The following SFT2D2 variants were observed in gnomAD, a reference collection of about 807,000 sequenced individuals.
The protein encoded by SFT2D2 is SFT2 domain containing 2.
SFT2D2 carries 21 observed loss-of-function variants against 27.4 expected under a neutral mutation model. The observed-to-expected ratio is 0.77, with a 90% CI of 0.54 to 1.10. SFT2D2 has a LOEUF of 1.10. SFT2D2 is among the 50% of genes least tolerant of loss of function. The pLI, the probability that SFT2D2 is intolerant of heterozygous loss-of-function variation, is 0.00. For synonymous variants in SFT2D2, 72 were observed against 71.7 expected (o/e 1.00, Z -0.02); for missense variants, 187 against 194.2 (o/e 0.96, Z 0.22).
rs907709889 is a variant in SFT2D2, at chr1:168,252,889, T to G, written c.*10349T>G. ...TTCCTACCTTGAAAATCTATTTCAT[T>G]TACTAAATATTGTTTTCTTTATGCT... is the stretch of plus-strand genomic sequence containing the variant. On this transcript the variant is annotated 3_prime_UTR_variant, in exon 8 of 8. Coordinates refer to ENST00000271375, the MANE Select transcript of SFT2D2 (RefSeq NM_199344.3). The G allele has an allele frequency of 6.6e-6, 1 of 152,236 alleles. No individual in the cohort carries two copies. Among genetic ancestry groups the G allele is most frequent in the African/African-American group, 2.4e-5 (1 of 41,470 alleles). The allele number at this position is 152,236 out of a possible 1,614,324, so 9.4% of individuals were successfully genotyped here. A position where few individuals can be genotyped will look rare whatever the true frequency, so the allele number is the denominator to read the frequency against.
chr1:168,238,114 T>G (rs1025853797), intron 6 of SFT2D2, among the ~76,000 whole-genome samples: 1 of 152,218 alleles, frequency 6.6e-6, no homozygotes, highest in African/African-American at 2.4e-5. Context: ...ACACAGTGCC[T>G]GGTTCTTTAG....
In SFT2D2 at chr1:168,226,107, G is replaced by A. The variant is rs549670099; in HGVS notation, c.28G>A (p.Gly10Arg). The stretch of plus-strand genomic sequence containing the variant: ...GGACAAGCTGAAGAAGGTGCTGAGC[G>A]GGCAGGACACGGAGGACCGGAGCGG... MDKLKKVLS[G>R]QDTEDRSGLS... The change falls in exon 1 of 8, where the codon GGG (glycine) becomes AGG (arginine). Residue 10 changes from glycine to arginine, a missense_variant. Physicochemically the swap from Gly to Arg is moderately radical, Grantham distance 125. Coordinates refer to ENST00000271375, the MANE Select transcript of SFT2D2 (RefSeq NM_199344.3). 116 of 1,535,306 alleles carry A rather than the reference G, an allele frequency of 7.6e-5. No individual in the cohort carries two copies. The highest frequency in any genetic ancestry group is 9.6e-5 in the Non-Finnish European group (109 of 1,140,442).
At position 168,226,070 on chromosome 1, in the gene SFT2D2, C is replaced by T. The variant is rs1261251909; in HGVS notation, c.-10C>T. 2.6e-6 allele frequency: 4 copies of T among 1,529,116 alleles called. No individual in the cohort carries two copies. Among genetic ancestry groups the T allele is most frequent in the Middle Eastern group, 1.9e-4 (1 of 5,330 alleles). 94.7% of individuals were successfully genotyped at this position (1,529,116 alleles called of 1,614,324 possible). ...GCTGAGGAGCTGGAGCTGGTGGGGA[C>T]TGGGCCGCAATGGACAAGCTGAAGA... On this transcript the variant is annotated 5_prime_UTR_variant, in exon 1 of 8. Coordinates refer to ENST00000271375, the MANE Select transcript of SFT2D2 (RefSeq NM_199344.3).
chr1:168,234,026 A>G (rs1193998405), intron 3 of SFT2D2, among the ~76,000 whole-genome samples: 1 of 152,142 alleles, frequency 6.6e-6, no homozygotes, highest in Non-Finnish European at 1.5e-5. Flanking sequence ...GCTCATGCCA[A>G]GTTGATGTGT....
intron 1 of SFT2D2, among the ~76,000 whole-genome samples, chr1:168,227,267 T>C (rs1223666785): frequency 1.3e-5 from 2 of 152,254 alleles, no homozygotes; most frequent in Non-Finnish European, 2.9e-5. Flanking sequence ...CGCTTTTTGG[T>C]GTATTCTTTA....
At chr1:168,229,229 C>A (rs1572450203) in intron 1 of SFT2D2, among the ~76,000 whole-genome samples, 1 of 152,186 alleles carries the variant, frequency 6.6e-6, no homozygotes, top group South Asian at 2.1e-4. Flanking sequence ...GCTGGAATCT[C>A]ACTGAGACTG....
At chr1:168,232,586 G>A (rs1647354659) in intron 3 of SFT2D2, among the ~76,000 whole-genome samples, 1 of 152,096 alleles carries the variant, frequency 6.6e-6, no homozygotes, top group South Asian at 2.1e-4. Context: ...AGAGTCCTGG[G>A]GGTCCAAGTC....
At chr1:168,226,204 G>A (rs2102326353) in intron 1 of SFT2D2, 62 bp downstream of exon 1, 11 of 1,460,292 alleles carry the variant, frequency 7.5e-6, no homozygotes, top group Non-Finnish European at 9.2e-6. Flanking sequence ...TCCCCTGCCC[G>A]GGCCTGGGAA....
chr1:168,239,783 G>A (rs1255270447), intron 7 of SFT2D2, among the ~76,000 whole-genome samples: 2 of 150,642 alleles, frequency 1.3e-5, no homozygotes, highest in Admixed American at 1.3e-4. Flanking sequence ...TTAGCCGCAT[G>A]ATCTTTGCCT....
In SFT2D2 at chr1:168,245,494, A is replaced by C. The variant is rs1377566708; in HGVS notation, c.*2954A>C. 1 of 150,998 alleles carries C rather than the reference A, an allele frequency of 6.6e-6. No homozygotes were observed. Among genetic ancestry groups the C allele is most frequent in the Non-Finnish European group, 1.5e-5 (1 of 67,842 alleles). The allele number at this position is 150,998 out of a possible 1,614,324, so 9.4% of individuals were successfully genotyped here. On this transcript the variant is annotated 3_prime_UTR_variant, in exon 8 of 8. Transcript: ENST00000271375. ...TTGTTGATAGGTTGAGAGACTCAAC[A>C]TTGTTGATGTTAATTCTTTCCCATA...
chr1:168,234,403 AAAC>A (rs1481382050), intron 3 of SFT2D2, among the ~76,000 whole-genome samples: 5 of 151,390 alleles, frequency 3.3e-5, no homozygotes, highest in African/African-American at 7.3e-5. Flanking sequence ...AAAAAAAAAA[AAAC>A]AAACAAAAAA....
chr1:168,248,564 T>G lies in SFT2D2; in HGVS notation c.*6024T>G, dbSNP rs901080417. ...CCTGGTTTATTGAGAGTTTTTAGCATGAAGGGCTGTTGAATTTTGTTGAAT... is the reference window on the plus strand; with the variant it reads ...CCTGGTTTATTGAGAGTTTTTAGCAGGAAGGGCTGTTGAATTTTGTTGAAT... On this transcript the variant is annotated 3_prime_UTR_variant, in exon 8 of 8. Transcript: ENST00000271375. 2 of 152,252 alleles carry G rather than the reference T, an allele frequency of 1.3e-5. No homozygotes were observed. Among genetic ancestry groups the G allele is most frequent in the African/African-American group, 4.8e-5 (2 of 41,466 alleles). 9.4% of individuals were successfully genotyped at this position (152,252 alleles called of 1,614,324 possible).
Position 168,242,789 on chromosome 1 carries a change from G to C in SFT2D2, c.*249G>C. 2.0e-6 allele frequency: 1 copy of C among 512,210 alleles called. No individual in the cohort carries two copies. The highest frequency in any genetic ancestry group is 2.2e-5 in the South Asian group (1 of 46,258). 31.7% of individuals were successfully genotyped at this position (512,210 alleles called of 1,614,324 possible). A position where few individuals can be genotyped will look rare whatever the true frequency, so the allele number is the denominator to read the frequency against. On this transcript the variant is annotated 3_prime_UTR_variant, in exon 8 of 8. Transcript: ENST00000271375. ...GGAGTGGAATCTTCCTCATGTACCT[G>C]TTTCCTCTCTGGATGTTGTCCCACT...
chr1:168,244,105 G>A lies in SFT2D2; in HGVS notation c.*1565G>A, dbSNP rs565666179. 1 of 152,224 alleles carries A rather than the reference G, an allele frequency of 6.6e-6. No individual in the cohort carries two copies. Among genetic ancestry groups the A allele is most frequent in the South Asian group, 2.1e-4 (1 of 4,784 alleles). 9.4% of individuals were successfully genotyped at this position (152,224 alleles called of 1,614,324 possible). A position where few individuals can be genotyped will look rare whatever the true frequency, so the allele number is the denominator to read the frequency against. ...GCTAAACCAAAGGAAGTGGCCTGCT[G>A]GTTGTCCCCTTTCTTGTGGCTAATT... On this transcript the variant is annotated 3_prime_UTR_variant, in exon 8 of 8. Transcript: ENST00000271375.
chr1:168,240,551 A>AT (rs1647618478), intron 7 of SFT2D2, among the ~76,000 whole-genome samples: 1 of 152,132 alleles, frequency 6.6e-6, no homozygotes, highest in African/African-American at 2.4e-5. Flanking sequence ...ACATATGAAT[A>AT]TTTTTTGGTC....
rs1279979447 is a variant in SFT2D2, at chr1:168,246,613, A to C, written c.*4073A>C. 11 of 1,468,636 alleles carry C rather than the reference A, an allele frequency of 7.5e-6. No homozygotes were observed. The highest frequency in any genetic ancestry group is 1.0e-5 in the Non-Finnish European group (11 of 1,066,552). 91.0% of individuals were successfully genotyped at this position (1,468,636 alleles called of 1,614,324 possible). ...TTCCTGTAAATGACGCAATTTATCT[A>C]CTGTGCCCTGGAAATCAAGCTCTTG... On this transcript the variant is annotated 3_prime_UTR_variant, in exon 8 of 8. Coordinates refer to ENST00000271375, the MANE Select transcript of SFT2D2 (RefSeq NM_199344.3).
chr1:168,231,787 C>T (rs200842871), intron 2 of SFT2D2, 47 bp from the exon 3 acceptor site: 40 of 1,585,576 alleles, frequency 2.5e-5, no homozygotes, highest in East Asian at 8.9e-5. Flanking sequence ...CTTGTGTGGC[C>T]GGGTGGGAGG....
intron 4 of SFT2D2, 104 bp downstream of exon 4, chr1:168,235,286 C>A: frequency 8.9e-7 from 1 of 1,118,984 alleles, no homozygotes; most frequent in Non-Finnish European, 1.3e-6. Flanking sequence ...TTTTTCCGTT[C>A]AGCTTGACTT....
Position 168,245,291 on chromosome 1 carries a change from A to G in SFT2D2, c.*2751A>G, listed in dbSNP as rs1251487798. 1 of 152,252 alleles carries G rather than the reference A, an allele frequency of 6.6e-6. No individual in the cohort carries two copies. Among genetic ancestry groups the G allele is most frequent in the East Asian group, 1.9e-4 (1 of 5,208 alleles). 9.4% of individuals were successfully genotyped at this position (152,252 alleles called of 1,614,324 possible). A position where few individuals can be genotyped will look rare whatever the true frequency, so the allele number is the denominator to read the frequency against. On this transcript the variant is annotated 3_prime_UTR_variant, in exon 8 of 8. Coordinates refer to ENST00000271375, the MANE Select transcript of SFT2D2 (RefSeq NM_199344.3). ...ATATATAATTGATATACACAAATCAATTGTGTTTCTCCATGTTAGAAGTAA... is the reference window on the plus strand; with the variant it reads ...ATATATAATTGATATACACAAATCAGTTGTGTTTCTCCATGTTAGAAGTAA...
Sources: allele counts gnomAD v4.1 joint callset (sites outside exome capture counted in the v4.1 genomes callset), GRCh38; gene constraint gnomAD v4.1.1; transcripts MANE v1.5; gene names NCBI Gene and HGNC (gene_info 2026-07-23, HGNC 2026-07-21).